POLH: variants seen among roughly 807,000 people sequenced by gnomAD.
The protein encoded by POLH is DNA polymerase eta transcript.
A neutral mutation model predicts 73.6 loss-of-function variants in POLH; 53 were observed. That is an observed-to-expected ratio of 0.72 (90% CI 0.58 to 0.91). The LOEUF (loss-of-function observed/expected upper bound fraction) is 0.91, where lower values mean the gene tolerates loss of function less well. POLH is among the 40% of genes least tolerant of loss of function. The pLI is 0.00. For synonymous variants in POLH, 292 were observed against 308.5 expected (o/e 0.95, Z 0.56); for missense variants, 768 against 865.4 (o/e 0.89, Z 1.41).
rs932843712 is a variant in POLH at position 43,615,969 on chromosome 6, G to A, written c.*1412G>A. On this transcript the variant is annotated 3_prime_UTR_variant, in exon 11 of 11. Coordinates refer to ENST00000372236, the MANE Select transcript of POLH (RefSeq NM_006502.3). ...TTACAGATGTTAGCCACCGATCCTG[G>A]CCCCCCCAAAAAAAGGATTTTAAGA... Among the ~76,000 whole-genome samples, 16 of 151,462 alleles carry A rather than the reference G, an allele frequency of 1.1e-4. No individual in the cohort carries two copies. Among genetic ancestry groups the A allele is most frequent in the African/African-American group, 3.6e-4 (15 of 41,274 alleles).
At chr6:43,610,350 C>T (rs1015026858) in intron 9 of POLH, among the ~76,000 whole-genome samples, 9 of 152,120 alleles carry the variant, frequency 5.9e-5, no homozygotes, top group African/African-American at 1.9e-4. Context: ...CAGGCGTGAG[C>T]CACCATGCCT....
Position 43,585,952 on chromosome 6 carries a change from T to C in POLH, c.273-1320T>C, listed in dbSNP as rs570962835. On this transcript the variant is annotated intron_variant, in intron 3 of 10. Transcript: ENST00000372236. ...AACTGCTGCGCCCGATCTTGCTCTT[T>C]ATTTTCTTTGAGGCCTATCCTCTTC... 3.3e-5 allele frequency among the ~76,000 whole-genome samples: 5 copies of C among 152,030 alleles called. No individual in the cohort carries two copies. The East Asian group carries it at 9.7e-4, about 29-fold the overall frequency.
intron 4 of POLH, among the ~76,000 whole-genome samples, chr6:43,590,094 C>T (rs1237831406): frequency 4.6e-5 from 7 of 151,556 alleles, no homozygotes; most frequent in Middle Eastern, 3.4e-3. Context: ...TGCGGTGGCT[C>T]ACACCTGTAA....
intron 3 of POLH, among the ~76,000 whole-genome samples, chr6:43,583,851 G>C (rs906016419): frequency 6.6e-6 from 1 of 152,176 alleles, no homozygotes; most frequent in African/African-American, 2.4e-5. Context: ...GTTAGGCTGG[G>C]GATGGTGGCT....
rs747547432 is a variant in POLH at position 43,613,992 on chromosome 6, C to T, written c.1577C>T (p.Thr526Ile). 6.2e-7 allele frequency: 1 copy of T among 1,614,100 alleles called. No homozygotes were observed. The highest frequency in any genetic ancestry group is 8.5e-7 in the Non-Finnish European group (1 of 1,180,038). Residue 526 changes from threonine to isoleucine, a missense_variant, in exon 11 of 11, where the codon ACA becomes ATA. Transcript: ENST00000372236. ...TTACCTTTTCAAACCAGTCAAAGTA[C>T]AGGAACTGAGCCCTTCTTTAAGCAG... ...PSLPFQTSQS[T>I]GTEPFFKQKS... is the part of the protein sequence containing the mutation.
At position 43,587,414 on chromosome 6, in the gene POLH, G is replaced by C; in HGVS notation, c.415G>C (p.Ala139Pro). 1 of 1,614,178 alleles carries C rather than the reference G, an allele frequency of 6.2e-7. No individual in the cohort carries two copies. The highest frequency in any genetic ancestry group is 8.5e-7 in the Non-Finnish European group (1 of 1,180,006). The change falls in exon 4 of 11, where the codon GCA (alanine) becomes CCA (proline). Residue 139 changes from alanine (A) to proline (P), a missense_variant. Transcript: ENST00000372236. ...LQKLQGQPIS[A>P]DLLPSTYIEG... ...AAAGCTACAAGGTCAGCCTATCTCG[G>C]CAGACTTGTTGCCAAGCACTTACAT...
In POLH at chr6:43,615,395, T is replaced by A. The variant is rs1277887744; in HGVS notation, c.*838T>A. The A allele has an allele frequency of 1.3e-5, 2 of 151,102 alleles. No individual in the cohort carries two copies. Among genetic ancestry groups the A allele is most frequent in the Non-Finnish European group, 1.5e-5 (1 of 67,802 alleles). 9.4% of individuals were successfully genotyped at this position (151,102 alleles called of 1,614,324 possible). ...GGTGAAACCCCATCTCTACTAAAAT[T>A]ACAAAAAAAATTATCCAGGCGTGGT... On this transcript the variant is annotated 3_prime_UTR_variant, in exon 11 of 11. Transcript: ENST00000372236.
In POLH at chr6:43,600,963, G is replaced by A. The variant is rs769582858; in HGVS notation, c.661-25G>A. 7 of 1,506,448 alleles carry A rather than the reference G, an allele frequency of 4.6e-6. No homozygotes were observed. In the South Asian group the frequency reaches 7.9e-5, roughly 17 times the overall value. The allele number at this position is 1,506,448 out of a possible 1,614,324, so 93.3% of individuals were successfully genotyped here. On this transcript the variant is annotated intron_variant, in intron 5 of 10. Transcript: ENST00000372236. The stretch of plus-strand genomic sequence containing the variant: ...ACTTTGATGGGTTGACAGTAATGAG[G>A]TTTTTATACTTTGCATGCTTCCAGG...
At chr6:43,599,158 T>C (rs1766446989) in intron 5 of POLH, among the ~76,000 whole-genome samples, 1 of 151,718 alleles carries the variant, frequency 6.6e-6, no homozygotes, top group African/African-American at 2.4e-5. Context: ...CTGGCTAATT[T>C]TTGTATTTTT....
intron 10 of POLH, among the ~76,000 whole-genome samples, chr6:43,612,449 C>T (rs1319633729): frequency 3.3e-5 from 5 of 150,914 alleles, no homozygotes; most frequent in South Asian, 4.2e-4. Context: ...CGGGTTCAAG[C>T]GATTCTCCTG....
intron 4 of POLH, among the ~76,000 whole-genome samples, chr6:43,597,109 A>T (rs998068443): frequency 1.3e-5 from 2 of 151,532 alleles, no homozygotes; most frequent in African/African-American, 4.8e-5. Context: ...TGTTTACATT[A>T]TTTTTTTTTA....
intron 1 of POLH, among the ~76,000 whole-genome samples, chr6:43,581,273 C>G (rs1182939735): frequency 6.8e-6 from 1 of 148,004 alleles, no homozygotes; most frequent in Admixed American, 6.7e-5. Context: ...GGGGCAGAGG[C>G]GCTCCCCACA....
intron 4 of POLH, among the ~76,000 whole-genome samples, chr6:43,592,649 TC>T (rs771047003): frequency 6.6e-6 from 1 of 152,140 alleles, no homozygotes; most frequent in Non-Finnish European, 1.5e-5. Flanking sequence ...TCTCCTGACC[TC>T]GTGATCTGCC....
chr6:43,582,288 T>C (rs749925296), intron 1 of POLH, 28 bp from the exon 2 acceptor site: 3 of 1,611,214 alleles, frequency 1.9e-6, no homozygotes, highest in African/African-American at 1.3e-5. Context: ...GGTGTTTTTC[T>C]AACTGTCCAT....
At chr6:43,578,497 C>A (rs769737078) in intron 1 of POLH, 2 of 364,640 alleles carry the variant, frequency 5.5e-6, no homozygotes, top group African/African-American at 2.2e-5. Flanking sequence ...AGCAGCCTGG[C>A]GGGGGGACAA....
In POLH at chr6:43,616,887, T is replaced by A. The variant is rs928103313; in HGVS notation, c.*2330T>A. Among the ~76,000 whole-genome samples the A allele has an allele frequency of 3.3e-5, 5 of 152,248 alleles. No homozygotes were observed. Among genetic ancestry groups the A allele is most frequent in the African/African-American group, 1.2e-4 (5 of 41,462 alleles). ...CTAGTTCAGGAACTCTGTTTAGATC[T>A]GATAAGTCATAATCAAATCTTGCCA... On this transcript the variant is annotated 3_prime_UTR_variant, in exon 11 of 11. Coordinates refer to ENST00000372236, the MANE Select transcript of POLH (RefSeq NM_006502.3).
chr6:43,576,206 G>T lies in POLH; in HGVS notation c.-239G>T, dbSNP rs867581716. On this transcript the variant is annotated 5_prime_UTR_variant, in exon 1 of 11. Coordinates refer to ENST00000372236, the MANE Select transcript of POLH (RefSeq NM_006502.3). ...CCTCAGTCTGGCGGCTGCATTGCTGGGCGCGCCGCTCTCGTCTGATCCCTG... is the reference window on the plus strand; with the variant it reads ...CCTCAGTCTGGCGGCTGCATTGCTGTGCGCGCCGCTCTCGTCTGATCCCTG... 3.4e-4 allele frequency: 73 copies of T among 216,714 alleles called. No individual in the cohort carries two copies. The highest frequency in any genetic ancestry group is 1.6e-3 in the African/African-American group (70 of 43,266). The allele number at this position is 216,714 out of a possible 1,614,324, so 13.4% of individuals were successfully genotyped here. A position where few individuals can be genotyped will look rare whatever the true frequency, so the allele number is the denominator to read the frequency against.
intron 1 of POLH, among the ~76,000 whole-genome samples, chr6:43,578,813 TGAGA>T (rs1395081959): frequency 6.6e-6 from 1 of 152,204 alleles, no homozygotes; most frequent in Non-Finnish European, 1.5e-5. Context: ...AATTTATACT[TGAGA>T]TTTGTCTGTC....
intron 10 of POLH, among the ~76,000 whole-genome samples, chr6:43,611,862 C>T (rs1767917354): frequency 6.6e-6 from 1 of 152,068 alleles, no homozygotes; most frequent in African/African-American, 2.4e-5. Context: ...TCAAGAGCAC[C>T]CCAGCCAACA....
Sources: gnomAD v4.1 joint callset for allele counts (sites outside exome capture counted in the v4.1 genomes callset) on GRCh38, gnomAD v4.1.1 for gene constraint, MANE v1.5 for transcripts, NCBI Gene and HGNC (gene_info 2026-07-23, HGNC 2026-07-21) for gene names.